The following SPATA9 variants were observed in gnomAD, a reference collection of about 807,000 sequenced individuals.
SPATA9 encodes spermatogenesis-associated protein 9.
SPATA9 carries 27 observed loss-of-function variants against 25.5 expected under a neutral mutation model. The ratio of observed to expected loss-of-function variants is 1.06; its 90% confidence interval spans 0.78 to 1.46. SPATA9 has a LOEUF of 1.46. Ranked by LOEUF, SPATA9 falls within the 40% of genes most tolerant of loss-of-function variation. The pLI is 0.00. For missense variants in SPATA9, 282 were observed against 297.5 expected (o/e 0.95, Z 0.38); for synonymous variants, 102 against 105.7 (o/e 0.97, Z 0.21).
chr5:95,724,726 T>C, the SPATA9 span, among the ~76,000 whole-genome samples: 3 of 152,168 alleles, frequency 2.0e-5, no homozygotes, highest in Non-Finnish European at 4.4e-5. Flanking sequence ...TCTTGCCTCT[T>C]TTTTCAGGTG....
chr5:95,721,693 T>TA, the SPATA9 span, among the ~76,000 whole-genome samples: 55,233 of 131,906 alleles, frequency 0.42, 11,997 homozygotes, highest in East Asian at 0.88. Context: ...CTGAGAGCAT[T>TA]AAAAAAAAAA....
the SPATA9 span, chr5:95,731,611 G>C: frequency 1.3e-6 from 2 of 1,599,806 alleles, no homozygotes; most frequent in Admixed American, 1.7e-5. Context: ...TGAACTCGCC[G>C]CCCGGGGGCC....
At chr5:95,653,354 C>A, downstream of SPATA9, 1 of 1,206,534 alleles carries the variant, frequency 8.3e-7, no homozygotes, top group Non-Finnish European at 1.1e-6. Context: ...ACTATTCAGA[C>A]AATCAAAGAA....
chr5:95,667,977 C>T (rs1751981982), intron 3 of SPATA9, among the ~76,000 whole-genome samples: 1 of 152,154 alleles, frequency 6.6e-6, no homozygotes, highest in Non-Finnish European at 1.5e-5. Context: ...GCTGGTTTCC[C>T]CTTTGCCTTC....
At chr5:95,723,128 G>C in the SPATA9 span, among the ~76,000 whole-genome samples, 1 of 151,674 alleles carries the variant, frequency 6.6e-6, no homozygotes, top group Non-Finnish European at 1.5e-5. Flanking sequence ...GGAAGAAAAA[G>C]AATTGTCTTG....
chr5:95,712,290 T>C, the SPATA9 span, among the ~76,000 whole-genome samples: 1 of 152,164 alleles, frequency 6.6e-6, no homozygotes, highest in Non-Finnish European at 1.5e-5. Flanking sequence ...TATCCCACAA[T>C]GTGGCCTTGA....
chr5:95,658,838 C>G lies in SPATA9; in HGVS notation c.550G>C (p.Glu184Gln), dbSNP rs1750977810. The change falls in exon 5 of 5, where the codon GAG becomes CAG. Residue 184 changes from glutamate to glutamine, a missense_variant. Transcript: ENST00000274432. ...GCTTTTCTACAATTTTCACTCTCCT[C>G]TCTGTTTTGCCTTATGGATTCTTCT... ...QEEESIRQNR[E>Q]ESENCRKAFS... is the part of the protein sequence containing the mutation. 11 of 1,613,976 alleles carry G rather than the reference C, an allele frequency of 6.8e-6. No individual in the cohort carries two copies. Among genetic ancestry groups the G allele is most frequent in the Non-Finnish European group, 8.5e-6 (10 of 1,179,908 alleles).
At chr5:95,675,742 G>T in intron 2 of SPATA9, 103 bp from the exon 3 acceptor site, 1 of 857,758 alleles carries the variant, frequency 1.2e-6, no homozygotes, top group Non-Finnish European at 1.8e-6. Flanking sequence ...ATTGTGCATG[G>T]TGTCATGCAT....
chr5:95,708,242 T>G, the SPATA9 span, among the ~76,000 whole-genome samples: 1 of 91,222 alleles, frequency 1.1e-5, no homozygotes, highest in South Asian at 4.2e-4. Flanking sequence ...GTCAGGGGGT[T>G]TCTGGAACAT....
the SPATA9 span, among the ~76,000 whole-genome samples, chr5:95,704,998 G>C: frequency 1.3e-5 from 2 of 151,532 alleles, no homozygotes; most frequent in African/African-American, 4.9e-5. Flanking sequence ...AGGCTGGAGT[G>C]CAATGGCAAG....
Position 95,697,567 on chromosome 5 carries a change from C to T in SPATA9, n.124+1021G>A, listed in dbSNP as rs190987482. Reference sequence around the variant, plus strand: ...GCTCATCACTAGAGACAATCAACTCCACAATCAAGGGGAGGGAAGGTAACC... The same window carrying T: ...GCTCATCACTAGAGACAATCAACTCTACAATCAAGGGGAGGGAAGGTAACC... On this transcript the variant is annotated intron_variant and non_coding_transcript_variant, in intron 1 of 2. Coordinates refer to the SPATA9 transcript ENST00000379990. 2.6e-5 allele frequency among the ~76,000 whole-genome samples: 4 copies of T among 152,288 alleles called. No individual in the cohort carries two copies. In the East Asian group the frequency reaches 7.7e-4, roughly 29 times the overall value.
At chr5:95,710,364 A>G in the SPATA9 span, among the ~76,000 whole-genome samples, 1 of 152,230 alleles carries the variant, frequency 6.6e-6, no homozygotes, top group Non-Finnish European at 1.5e-5. Flanking sequence ...GCAGGATGCG[A>G]GCATTTGACA....
chr5:95,686,830 G>T (rs7737798), upstream of SPATA9, among the ~76,000 whole-genome samples: 31,745 of 152,106 alleles, frequency 0.21, 3,887 homozygotes, highest in African/African-American at 0.35. Context: ...AGCTATCCTT[G>T]ATCTCACATT....
chr5:95,731,878 C>A, the SPATA9 span: 4 of 1,613,016 alleles, frequency 2.5e-6, no homozygotes, highest in African/African-American at 1.3e-5. Context: ...CATCGTGGCG[C>A]TGGGGAACGA....
the SPATA9 span, among the ~76,000 whole-genome samples, chr5:95,710,385 A>G: frequency 6.6e-6 from 1 of 152,240 alleles, no homozygotes; most frequent in African/African-American, 2.4e-5. Context: ...TCCATTTGCC[A>G]GAAGCACTTT....
At chr5:95,694,085 A>G (rs900934278) in intron 1 of SPATA9, among the ~76,000 whole-genome samples, 5 of 152,164 alleles carry the variant, frequency 3.3e-5, no homozygotes, top group Non-Finnish European at 7.4e-5. Flanking sequence ...ACTTGAGCCC[A>G]GGAGGTCAAG....
In SPATA9 at chr5:95,673,968, G is replaced by C. The variant is rs529168717; in HGVS notation, c.378+1444C>G. ...TTGGCCAGGCTGGTCTCAAACTCCTGAGCTCAAAGGATCCGCCCGCCTCAG... is the reference window on the plus strand; with the variant it reads ...TTGGCCAGGCTGGTCTCAAACTCCTCAGCTCAAAGGATCCGCCCGCCTCAG... On this transcript the variant is annotated intron_variant, in intron 3 of 4. Coordinates refer to ENST00000274432, the MANE Select transcript of SPATA9 (RefSeq NM_031952.4). Among the ~76,000 whole-genome samples, 16 of 152,080 alleles carry C rather than the reference G, an allele frequency of 1.1e-4. No homozygotes were observed. The South Asian group carries it at 2.5e-3, about 24-fold the overall frequency.
At chr5:95,731,716 C>G in the SPATA9 span, 1 of 1,613,070 alleles carries the variant, frequency 6.2e-7, no homozygotes, top group Non-Finnish European at 8.5e-7. Context: ...GCCATTGTCT[C>G]TCTCCAGCGC....
the SPATA9 span, among the ~76,000 whole-genome samples, chr5:95,707,262 A>G: frequency 2.6e-5 from 4 of 152,234 alleles, no homozygotes; most frequent in African/African-American, 9.6e-5. Context: ...GAATGTGAGA[A>G]AGAATGATAA....
Sources: allele counts gnomAD v4.1 joint callset (sites outside exome capture counted in the v4.1 genomes callset), GRCh38; gene constraint gnomAD v4.1.1; transcripts MANE v1.5; gene names NCBI Gene and HGNC (gene_info 2026-07-23, HGNC 2026-07-21).